NCKAP5: variants seen among roughly 807,000 people sequenced by gnomAD.
NCKAP5 encodes NCK associated protein 5, also known as nck-associated protein 5.
In NCKAP5, 92 loss-of-function variants were observed where a neutral mutation model predicts 167.0. The ratio of observed to expected loss-of-function variants is 0.55; its 90% CI spans 0.47 to 0.66. NCKAP5 has a LOEUF of 0.66. NCKAP5 is among the 30% of genes least tolerant of loss of function. The probability of loss-of-function intolerance (pLI) is 0.00; values close to 1 mark genes in which losing one functional copy is unlikely to be tolerated. For synonymous variants in NCKAP5, 891 were observed against 877.4 expected, an observed-to-expected ratio of 1.02 and a Z score of -0.27; for missense variants, 2,378 against 2,315.0, an observed-to-expected ratio of 1.03 and a Z score of -0.56.
At chr2:133,345,135 A>G (rs1462235325) in intron 3 of NCKAP5, among the ~76,000 whole-genome samples, 1 of 152,016 alleles carries the variant, frequency 6.6e-6, no homozygotes, top group Non-Finnish European at 1.5e-5. Flanking sequence ...AGCTCTCCCT[A>G]TTTCTGAAGG....
intron 12 of NCKAP5, among the ~76,000 whole-genome samples, chr2:132,794,425 G>C (rs888640983): frequency 2.7e-5 from 4 of 150,476 alleles, no homozygotes; most frequent in African/African-American, 9.8e-5. Context: ...CTGAGGTCAG[G>C]AGTTTGAGAC....
intron 4 of NCKAP5, among the ~76,000 whole-genome samples, chr2:133,243,507 A>C (rs924409847): frequency 1.3e-5 from 2 of 152,200 alleles, no homozygotes; most frequent in African/African-American, 4.8e-5. Context: ...TATGGAAACT[A>C]TCTTTTAAAT....
the NCKAP5 span, among the ~76,000 whole-genome samples, chr2:133,616,367 G>C: frequency 1.8e-4 from 28 of 152,180 alleles, no homozygotes; most frequent in Admixed American, 7.2e-4. Context: ...CCAGGAGCTG[G>C]TTTTTTGAAA....
At chr2:133,266,780 C>T (rs895344158) in intron 4 of NCKAP5, among the ~76,000 whole-genome samples, 2 of 152,192 alleles carry the variant, frequency 1.3e-5, no homozygotes, top group Non-Finnish European at 2.9e-5. Context: ...CCTCTCCTGC[C>T]GCGGGACGTT....
rs576169313 is a variant in NCKAP5, at chr2:133,374,763, G to A, written c.70-71653C>T. Among the ~76,000 whole-genome samples the A allele has an allele frequency of 3.3e-5, 5 of 152,240 alleles. No individual in the cohort carries two copies. The South Asian group carries it at 1.0e-3, about 32-fold the overall frequency. On this transcript the variant is annotated intron_variant, in intron 3 of 19. Transcript: ENST00000409261. ...TCTACTAAAAACAAACAGAAAACAA[G>A]CAAAAACCCTACTTTTCTCTGTGCT...
chr2:132,782,426 A>T lies in NCKAP5; in HGVS notation c.4385T>A (p.Val1462Glu), dbSNP rs1683117498. 1 of 1,613,852 alleles carries T rather than the reference A, an allele frequency of 6.2e-7. No homozygotes were observed. Among genetic ancestry groups the T allele is most frequent in the Admixed American group, 1.7e-5 (1 of 59,994 alleles). Reference protein sequence around the residue: ...PDASATATDAVSSEAPLSPTI... With the variant: ...PDASATATDAESSEAPLSPTI... Reference sequence around the variant, plus strand: ...GGGTGAGAGGGGGGCTTCTGAACTCACAGCATCAGTCGCGGTTGCAGAGGC... The same window carrying T: ...GGGTGAGAGGGGGGCTTCTGAACTCTCAGCATCAGTCGCGGTTGCAGAGGC... Residue 1462 changes from valine (V) to glutamate (E), a missense_variant, in exon 14 of 20, where the codon GTG (valine) becomes GAG (glutamate). Transcript: ENST00000409261.
rs143899784 is a variant in NCKAP5 at position 133,447,132 on chromosome 2, G to A, written c.69+70326C>T. Among the ~76,000 whole-genome samples the A allele has an allele frequency of 2.0e-3, 298 of 152,206 alleles. 1 individual carries two copies. The highest frequency in any genetic ancestry group is 6.9e-3 in the African/African-American group (288 of 41,518). Reference sequence around the variant, plus strand: ...TGGCTTCATGGGAGGAACACACCACGACTTTGAACTCCATCTCTACCCGCC... The same window carrying A: ...TGGCTTCATGGGAGGAACACACCACAACTTTGAACTCCATCTCTACCCGCC... On this transcript the variant is annotated intron_variant, in intron 3 of 19. Coordinates refer to ENST00000409261, the MANE Select transcript of NCKAP5 (RefSeq NM_207363.3).
At chr2:132,795,017 A>G (rs1171299206) in intron 12 of NCKAP5, among the ~76,000 whole-genome samples, 1 of 152,224 alleles carries the variant, frequency 6.6e-6, no homozygotes, top group Non-Finnish European at 1.5e-5. Flanking sequence ...CAATATTGTT[A>G]GCAGGCACTG....
intron 6 of NCKAP5, among the ~76,000 whole-genome samples, chr2:133,011,044 T>A (rs1047660086): frequency 1.1e-4 from 16 of 152,106 alleles, no homozygotes; most frequent in Admixed American, 5.9e-4. Flanking sequence ...AACACCAAAT[T>A]CCCAAGTGAT....
intron 5 of NCKAP5, among the ~76,000 whole-genome samples, chr2:133,202,375 C>A (rs2085735241): frequency 6.6e-6 from 1 of 152,136 alleles, no homozygotes; most frequent in Non-Finnish European, 1.5e-5. Flanking sequence ...ACACCTTATA[C>A]AAAAATTAAT....
intron 4 of NCKAP5, among the ~76,000 whole-genome samples, chr2:133,288,123 GGA>G (rs1679292999): frequency 6.6e-6 from 1 of 152,130 alleles, no homozygotes. Flanking sequence ...CTGACTTCCT[GGA>G]TAACCAATTC....
At chr2:132,824,830 G>T (rs1687012041) in intron 11 of NCKAP5, among the ~76,000 whole-genome samples, 1 of 152,180 alleles carries the variant, frequency 6.6e-6, no homozygotes, top group African/African-American at 2.4e-5. Context: ...CATCAGCAAG[G>T]TCTCCTGAGT....
chr2:133,239,003 T>A (rs1046819609), intron 4 of NCKAP5, among the ~76,000 whole-genome samples: 7 of 152,200 alleles, frequency 4.6e-5, no homozygotes, highest in African/African-American at 1.7e-4. Flanking sequence ...CCTTATGTTA[T>A]ACATACAATC....
chr2:133,117,135 T>G (rs992561119), intron 6 of NCKAP5: 6 of 152,192 alleles, frequency 3.9e-5, no homozygotes, highest in Middle Eastern at 3.2e-3. Flanking sequence ...AGAGGACTGT[T>G]TTAAGAATTA....
chr2:133,513,952 A>T (rs1413535427), intron 3 of NCKAP5, among the ~76,000 whole-genome samples: 3 of 152,360 alleles, frequency 2.0e-5, no homozygotes, highest in East Asian at 1.9e-4. Context: ...AGTGTCAAAC[A>T]GCTACATGGG....
chr2:132,893,219 T>G (rs1692866829), intron 8 of NCKAP5, among the ~76,000 whole-genome samples: 1 of 152,162 alleles, frequency 6.6e-6, no homozygotes, highest in South Asian at 2.1e-4. Context: ...GTGTGTAAAT[T>G]ACTACACCCA....
At chr2:133,381,724 A>C (rs560615387) in intron 3 of NCKAP5, among the ~76,000 whole-genome samples, 4 of 152,344 alleles carry the variant, frequency 2.6e-5, no homozygotes, top group Admixed American at 6.5e-5. Context: ...GATTTCTCCC[A>C]TTGCACCAAA....
rs187584198 is a variant in NCKAP5, at chr2:132,769,055, C to G, written c.5128+4761G>C. ...GACCTCCTAAGCTCAAGCAATTCTA[C>G]TGCTTCAGCATCCCGAGTAGCTGGG... On this transcript the variant is annotated intron_variant, in intron 16 of 19. Transcript: ENST00000409261. Among the ~76,000 whole-genome samples, 12 of 150,694 alleles carry G rather than the reference C, an allele frequency of 8.0e-5. No homozygotes were observed. In the Admixed American group the frequency reaches 8.0e-4, roughly 10 times the overall value.
At chr2:133,305,513 T>G (rs1323215937) in intron 3 of NCKAP5, among the ~76,000 whole-genome samples, 2 of 152,200 alleles carry the variant, frequency 1.3e-5, no homozygotes, top group Non-Finnish European at 2.9e-5. Context: ...GGAAGATCAC[T>G]TTACAAGGTG....
Sources: gnomAD v4.1 joint callset for allele counts (sites outside exome capture counted in the v4.1 genomes callset) on GRCh38, gnomAD v4.1.1 for gene constraint, MANE v1.5 for transcripts, NCBI Gene and HGNC (gene_info 2026-07-23, HGNC 2026-07-21) for gene names.